Variants in LTN1 observed in about 807,000 individuals in gnomAD.
LTN1 encodes listerin E3 ubiquitin protein ligase 1.
In LTN1, 88 loss-of-function variants were observed where a neutral mutation model predicts 201.2. The ratio of observed to expected loss-of-function variants is 0.44; its 90% CI spans 0.37 to 0.52. The LOEUF (loss-of-function observed/expected upper bound fraction) is 0.52, where lower values mean the gene tolerates loss of function less well. Among genes scored for constraint, LTN1 ranks in the 20% least tolerant of loss-of-function variants. The pLI is 0.00. For missense variants in LTN1, 1,752 were observed against 2,038.7 expected (o/e 0.86, Z 2.71); for synonymous variants, 645 against 713.5 (o/e 0.90, Z 1.53).
At chr21:28,954,043 G>A (rs2084405084) in intron 16 of LTN1, among the ~76,000 whole-genome samples, 1 of 152,114 alleles carries the variant, frequency 6.6e-6, no homozygotes, top group Admixed American at 6.6e-5. Context: ...ACACTTACCA[G>A]CTAAGCAGCT....
In LTN1 at chr21:28,930,439, A is replaced by G. The variant is rs1180265115; in HGVS notation, c.*9T>C. 1 of 1,606,442 alleles carries G rather than the reference A, an allele frequency of 6.2e-7. No individual in the cohort carries two copies. The highest frequency in any genetic ancestry group is 1.7e-5 in the Admixed American group (1 of 59,668). On this transcript the variant is annotated 3_prime_UTR_variant, in exon 30 of 30. Coordinates refer to ENST00000361371, the MANE Select transcript of LTN1 (RefSeq NM_015565.3). ...TGTACTTCAGGGATCCCTTCCAGTG[A>G]AAAAAATCTCAGAAAAACGTCTCAC...
At chr21:28,960,368 G>GA (rs893945145) in intron 12 of LTN1, 149 bp downstream of exon 12, 2 of 546,752 alleles carry the variant, frequency 3.7e-6, no homozygotes, top group Non-Finnish European at 6.1e-6. Context: ...AAAAAAAAAA[G>GA]AAAAAAGAAA....
intron 16 of LTN1, among the ~76,000 whole-genome samples, chr21:28,955,285 G>GT (rs1353546783): frequency 6.6e-6 from 1 of 151,918 alleles, no homozygotes; most frequent in Non-Finnish European, 1.5e-5. Context: ...GGGCAACATA[G>GT]TAACACCCCA....
chr21:28,959,536 G>C lies in LTN1; in HGVS notation c.2515C>G (p.Leu839Val). The C allele has an allele frequency of 6.2e-7, 1 of 1,613,962 alleles. No individual in the cohort carries two copies. The highest frequency in any genetic ancestry group is 8.5e-7 in the Non-Finnish European group (1 of 1,179,942). ...NYFSSAKGCL[L>V]MPSSEDLLLT... ...AATAAATCTTCAGATGATGGCATTA[G>C]CAAGCATCCTTTCGCTGAGCTGAAA... Residue 839 changes from leucine to valine, a missense_variant, in exon 13 of 30, where the codon CTA becomes GTA. Leu to Val is a conservative substitution (Grantham distance 32). Transcript: ENST00000361371.
intron 15 of LTN1, 119 bp from the exon 16 acceptor site, chr21:28,957,067 C>T (rs1002840168): frequency 2.8e-6 from 2 of 722,276 alleles, no homozygotes; most frequent in Non-Finnish European, 4.4e-6. Flanking sequence ...AGTTTGTTTT[C>T]TTTTACAGGA....
At chr21:28,974,431 A>C (rs1012856035) in intron 6 of LTN1, among the ~76,000 whole-genome samples, 37 of 152,188 alleles carry the variant, frequency 2.4e-4, no homozygotes, top group Non-Finnish European at 4.4e-5. Flanking sequence ...AACACACACA[A>C]AAAACAACTA....
intron 16 of LTN1, among the ~76,000 whole-genome samples, chr21:28,954,066 T>C (rs986512184): frequency 2.6e-5 from 4 of 152,166 alleles, no homozygotes; most frequent in African/African-American, 7.2e-5. Context: ...AATCAAGTCA[T>C]GGTAACAAAA....
At chr21:28,990,596 A>G (rs1484197719) in intron 1 of LTN1, among the ~76,000 whole-genome samples, 1 of 152,208 alleles carries the variant, frequency 6.6e-6, no homozygotes, top group Non-Finnish European at 1.5e-5. Flanking sequence ...ATAACTTTAT[A>G]ATGAACAACA....
chr21:28,955,775 T>A (rs575888269), intron 16 of LTN1, among the ~76,000 whole-genome samples: 19 of 151,750 alleles, frequency 1.3e-4, no homozygotes, highest in African/African-American at 4.6e-4. Context: ...ATACAAAAAT[T>A]AGCTGGGCAT....
chr21:28,960,647 A>G lies in LTN1; in HGVS notation c.2223T>C (p.Leu741=). The G allele has an allele frequency of 1.2e-6, 2 of 1,614,112 alleles. No homozygotes were observed. Among genetic ancestry groups the G allele is most frequent in the Non-Finnish European group, 1.7e-6 (2 of 1,179,980 alleles). Residue 741 remains leucine (L), a synonymous_variant, in exon 12 of 30, where the codon CTT becomes CTC. Coordinates refer to ENST00000361371, the MANE Select transcript of LTN1 (RefSeq NM_015565.3). The stretch of plus-strand genomic sequence containing the variant: ...CTGCCAAGTTGACCAATTTCTCACC[A>G]AGGATATCGCCTTTGAGCCAAGGAG... The part of the protein sequence containing the change: ...LVTPWLKGDI[L]GEKLVNLADC...
rs577407467 is a variant in LTN1, at chr21:28,956,930, A to G, written c.2911T>C (p.Leu971=). The change falls in exon 16 of 30, where the codon TTA becomes CTA. Residue 971 remains leucine, a synonymous_variant. Transcript: ENST00000361371. ...TAATTCAAACTCAATCTTCCCTCTA[A>G]AAGAGGTCTATGTAACCACTGTGAA... is the stretch of plus-strand genomic sequence containing the variant. ...LPMQWLHRPL[L]EGRLSLNYEC... is the part of the protein sequence containing the mutation. The G allele has an allele frequency of 1.0e-5, 16 of 1,602,718 alleles. No homozygotes were observed. The highest frequency in any genetic ancestry group is 9.4e-5 in the African/African-American group (7 of 74,686).
intron 8 of LTN1, 67 bp downstream of exon 8, chr21:28,970,481 TAAGA>T: frequency 2.0e-6 from 2 of 1,001,428 alleles, no homozygotes; most frequent in Non-Finnish European, 3.0e-6. Context: ...GAAATTTAAG[TAAGA>T]AAGAAAATGA....
chr21:28,979,833 G>C (rs190897722), intron 6 of LTN1, among the ~76,000 whole-genome samples: 2 of 151,982 alleles, frequency 1.3e-5, no homozygotes, highest in Non-Finnish European at 2.9e-5. Context: ...TCAGCCGGGC[G>C]TGCTGGTGGG....
intron 16 of LTN1, among the ~76,000 whole-genome samples, chr21:28,956,251 A>G (rs962418935): frequency 6.6e-6 from 1 of 152,204 alleles, no homozygotes; most frequent in Admixed American, 6.5e-5. Context: ...ATATTGCAAA[A>G]TAACTAGAAG....
intron 1 of LTN1, among the ~76,000 whole-genome samples, chr21:28,991,321 A>G (rs949040884): frequency 6.6e-6 from 1 of 151,844 alleles, no homozygotes; most frequent in Non-Finnish European, 1.5e-5. Context: ...AGAGAACATT[A>G]TTGGGATAAC....
chr21:28,945,027 GC>G (rs973027276), intron 21 of LTN1, among the ~76,000 whole-genome samples: 1 of 152,094 alleles, frequency 6.6e-6, no homozygotes, highest in Non-Finnish European at 1.5e-5. Flanking sequence ...TTTGAGACCA[GC>G]CTGGCCAAAA....
intron 9 of LTN1, among the ~76,000 whole-genome samples, chr21:28,968,238 T>C (rs1347732015): frequency 6.6e-6 from 1 of 152,202 alleles, no homozygotes; most frequent in Non-Finnish European, 1.5e-5. Flanking sequence ...TCATTAACAA[T>C]CTAGTTTTCT....
chr21:28,940,827 C>G (rs2084291400), intron 25 of LTN1, among the ~76,000 whole-genome samples: 1 of 152,160 alleles, frequency 6.6e-6, no homozygotes, highest in African/African-American at 2.4e-5. Flanking sequence ...GTGGCTCATG[C>G]CTGTAATCCC....
intron 1 of LTN1, among the ~76,000 whole-genome samples, chr21:28,988,760 G>A (rs925732753): frequency 6.6e-6 from 1 of 151,926 alleles, no homozygotes; most frequent in Non-Finnish European, 1.5e-5. Context: ...GAGATCAGGA[G>A]TTCAAGACCA....
Sources: gnomAD v4.1 joint callset for allele counts (sites outside exome capture counted in the v4.1 genomes callset) on GRCh38, gnomAD v4.1.1 for gene constraint, MANE v1.5 for transcripts, NCBI Gene and HGNC (gene_info 2026-07-23, HGNC 2026-07-21) for gene names.